Variants in UQCRH observed in about 807,000 individuals in gnomAD.
UQCRH encodes the protein cytochrome b-c1 complex subunit 6, mitochondrial.
In UQCRH, 14 loss-of-function variants were observed where a neutral mutation model predicts 16.3. The ratio of observed to expected loss-of-function variants is 0.86; its 90% CI spans 0.57 to 1.34. UQCRH has a LOEUF of 1.34. UQCRH is among the 40% of genes most tolerant of loss of function. UQCRH has a pLI of 0.00. For missense variants in UQCRH, 89 were observed against 111.9 expected (o/e 0.80, Z 0.92); for synonymous variants, 41 against 41.9 (o/e 0.98, Z 0.08).
At chr1:46,308,456 T>C (rs116433159) in intron 1 of UQCRH, among the ~76,000 whole-genome samples, 1 of 152,314 alleles carries the variant, frequency 6.6e-6, no homozygotes, top group Non-Finnish European at 1.5e-5. Flanking sequence ...GGGCTCTAGC[T>C]TATAGGGCTG....
At chr1:46,311,163 T>G (rs1038863203) in intron 3 of UQCRH, among the ~76,000 whole-genome samples, 1 of 151,852 alleles carries the variant, frequency 6.6e-6, no homozygotes, top group Non-Finnish European at 1.5e-5. Context: ...ATTTCACAGA[T>G]AGAAACTGAG....
At chr1:46,309,275 GT>G (rs955780845) in intron 2 of UQCRH, 148 bp downstream of exon 2, 1 of 882,692 alleles carries the variant, frequency 1.1e-6, no homozygotes, top group South Asian at 1.9e-5. Context: ...GCAGTGGAGA[GT>G]TTAGGGTGTG....
chr1:46,314,486 T>G (rs1470674161), intron 3 of UQCRH, among the ~76,000 whole-genome samples: 1 of 150,768 alleles, frequency 6.6e-6, no homozygotes, highest in Admixed American at 6.6e-5. Context: ...GCTTGACCAA[T>G]ATGATGAAAC....
intron 3 of UQCRH, among the ~76,000 whole-genome samples, chr1:46,315,687 A>G (rs1226162706): frequency 1.3e-5 from 2 of 152,146 alleles, no homozygotes; most frequent in East Asian, 3.8e-4. Context: ...TTTTAACAAA[A>G]TAAGTACTGA....
intron 1 of UQCRH, among the ~76,000 whole-genome samples, chr1:46,305,431 C>T (rs2148331991): frequency 6.6e-6 from 1 of 151,126 alleles, no homozygotes; most frequent in East Asian, 1.9e-4. Context: ...GGTATTCTGG[C>T]CGGGCGCGGT....
chr1:46,306,857 C>A (rs1399692692), intron 1 of UQCRH, among the ~76,000 whole-genome samples: 11 of 152,170 alleles, frequency 7.2e-5, no homozygotes, highest in Admixed American at 7.2e-4. Flanking sequence ...GGTGGCTTCA[C>A]TGAATGGCAT....
chr1:46,310,137 T>C lies in UQCRH; in HGVS notation c.82-18T>C. On this transcript the variant is annotated intron_variant, in intron 2 of 3. Coordinates refer to ENST00000311672, the MANE Select transcript of UQCRH (RefSeq NM_006004.4). ...TGCTAAAAATGCCCATTTTGTTTTT[T>C]TTCTGTTTCTACATCAGGATCCCCT... 2 of 1,614,194 alleles carry C rather than the reference T, an allele frequency of 1.2e-6. No homozygotes were observed. Among genetic ancestry groups the C allele is most frequent in the Non-Finnish European group, 1.7e-6 (2 of 1,180,030 alleles).
At chr1:46,303,903 T>C in intron 1 of UQCRH, 83 bp downstream of exon 1, 4 of 1,577,602 alleles carry the variant, frequency 2.5e-6, no homozygotes, top group Non-Finnish European at 3.5e-6. Flanking sequence ...GGGGCCCTCT[T>C]AGCCCCCAGT....
chr1:46,315,681 A>T (rs1661571256), intron 3 of UQCRH, among the ~76,000 whole-genome samples: 1 of 152,126 alleles, frequency 6.6e-6, no homozygotes, highest in Non-Finnish European at 1.5e-5. Flanking sequence ...CATAATTTTT[A>T]ACAAAATAAG....
intron 3 of UQCRH, among the ~76,000 whole-genome samples, chr1:46,312,816 T>C (rs1661505049): frequency 6.6e-6 from 1 of 152,134 alleles, no homozygotes; most frequent in South Asian, 2.1e-4. Flanking sequence ...TGGTTGCTTC[T>C]ATTAAAACTA....
At chr1:46,309,766 G>A in intron 2 of UQCRH, 1 of 859,114 alleles carries the variant, frequency 1.2e-6, no homozygotes. Flanking sequence ...GGGGTGCATA[G>A]GCCTGGTTCT....
At chr1:46,310,410 G>T in intron 3 of UQCRH, 94 bp downstream of exon 3, 1 of 1,563,478 alleles carries the variant, frequency 6.4e-7, no homozygotes, top group Non-Finnish European at 8.7e-7. Flanking sequence ...AGGCCCATCA[G>T]TTACTCTGGG....
At chr1:46,311,471 G>T (rs1007186520) in intron 3 of UQCRH, among the ~76,000 whole-genome samples, 68 of 150,678 alleles carry the variant, frequency 4.5e-4, no homozygotes, top group Non-Finnish European at 5.2e-4. Flanking sequence ...CCAGCTACTC[G>T]GGAGCCTGAG....
At chr1:46,313,682 T>C (rs995068299) in intron 3 of UQCRH, among the ~76,000 whole-genome samples, 98 of 149,760 alleles carry the variant, frequency 6.5e-4, no homozygotes, top group African/African-American at 2.1e-3. Flanking sequence ...GATAGATAGA[T>C]AGATATAGAT....
chr1:46,311,880 C>T (rs1219242502), intron 3 of UQCRH, among the ~76,000 whole-genome samples: 2 of 151,262 alleles, frequency 1.3e-5, no homozygotes, highest in African/African-American at 2.4e-5. Flanking sequence ...CCACCTGCCT[C>T]AGCCTTCCAA....
intron 1 of UQCRH, among the ~76,000 whole-genome samples, chr1:46,305,069 T>C (rs1432437538): frequency 1.3e-5 from 2 of 151,556 alleles, no homozygotes; most frequent in Non-Finnish European, 2.9e-5. Context: ...ATCCCAACAC[T>C]TTAGGAGGAC....
intron 1 of UQCRH, among the ~76,000 whole-genome samples, chr1:46,306,734 A>T (rs1214765546): frequency 6.6e-6 from 1 of 152,240 alleles, no homozygotes; most frequent in Non-Finnish European, 1.5e-5. Context: ...TAGAATTTAC[A>T]TCCTAAATAG....
At chr1:46,308,891 C>G (rs1661419350) in intron 1 of UQCRH, among the ~76,000 whole-genome samples, 1 of 152,182 alleles carries the variant, frequency 6.6e-6, no homozygotes, top group South Asian at 2.1e-4. Context: ...TGCTCGCAGG[C>G]AAGTTTGCTG....
At chr1:46,311,928 C>CTTT (rs544962011) in intron 3 of UQCRH, among the ~76,000 whole-genome samples, 1 of 130,676 alleles carries the variant, frequency 7.7e-6, no homozygotes, top group African/African-American at 2.8e-5. Context: ...TGCACCCAGC[C>CTTT]TTTTTTTTTT....
Sources: allele counts gnomAD v4.1 joint callset (sites outside exome capture counted in the v4.1 genomes callset), GRCh38; gene constraint gnomAD v4.1.1; transcripts MANE v1.5; gene names NCBI Gene and HGNC (gene_info 2026-07-23, HGNC 2026-07-21).